Variants in ARID5B observed in about 807,000 individuals in gnomAD.
ARID5B encodes the protein AT-rich interactive domain-containing protein 5B.
Under a neutral mutation model 97.2 loss-of-function variants are expected in ARID5B, and 13 were observed. That is an observed-to-expected ratio of 0.13 (90% CI 0.09 to 0.21). The LOEUF (loss-of-function observed/expected upper bound fraction) is 0.21. Ranked by LOEUF, ARID5B falls within the 10% of genes least tolerant of loss-of-function variation. The pLI is 1.00. For missense variants in ARID5B, 1,210 were observed against 1,465.3 expected, an observed-to-expected ratio of 0.83 and a Z score of 2.84; for synonymous variants, 556 against 570.3, an observed-to-expected ratio of 0.97 and a Z score of 0.36.
intron 3 of ARID5B, among the ~76,000 whole-genome samples, chr10:61,974,015 T>C (rs1838666209): frequency 1.3e-5 from 2 of 152,198 alleles, no homozygotes. Flanking sequence ...TGAGCTTCTC[T>C]CTTTAAGGCA....
intron 3 of ARID5B, among the ~76,000 whole-genome samples, chr10:61,987,031 T>C (rs1304932492): frequency 6.6e-6 from 1 of 152,116 alleles, no homozygotes; most frequent in Non-Finnish European, 1.5e-5. Flanking sequence ...GAGGAAGACA[T>C]AGTGCTACCT....
At chr10:61,989,627 T>C (rs1189727047) in intron 3 of ARID5B, among the ~76,000 whole-genome samples, 1 of 152,234 alleles carries the variant, frequency 6.6e-6, no homozygotes, top group South Asian at 2.1e-4. Flanking sequence ...AAATAAATTA[T>C]CTAAAATTTT....
chr10:62,054,406 A>G (rs975335105), intron 5 of ARID5B, among the ~76,000 whole-genome samples: 2 of 152,128 alleles, frequency 1.3e-5, no homozygotes, highest in African/African-American at 4.8e-5. Flanking sequence ...AAAAAAAAAT[A>G]TCAAGCTAGA....
intron 3 of ARID5B, among the ~76,000 whole-genome samples, chr10:61,989,275 ACTGGGTTAGATAAAATAG>A (rs1838890319): frequency 6.6e-6 from 1 of 152,184 alleles, no homozygotes; most frequent in Non-Finnish European, 1.5e-5. Context: ...TTTTGGATAT[ACTGGGTTAGATAAAATAG>A]CTTACTAAAG....
chr10:62,008,060 CA>C (rs1454871310), intron 4 of ARID5B, among the ~76,000 whole-genome samples: 3 of 101,358 alleles, frequency 3.0e-5, no homozygotes, highest in African/African-American at 6.5e-5. Context: ...CCCCGCCCCA[CA>C]ACACACACAC....
Position 62,038,805 on chromosome 10 carries a change from G to A in ARID5B, c.734-12083G>A, listed in dbSNP as rs989951061. Among the ~76,000 whole-genome samples, 5 of 152,104 alleles carry A rather than the reference G, an allele frequency of 3.3e-5. No individual in the cohort carries two copies. The East Asian group carries it at 9.6e-4, about 29-fold the overall frequency. On this transcript the variant is annotated intron_variant, in intron 4 of 9. Transcript: ENST00000279873. The stretch of plus-strand genomic sequence containing the variant: ...TTGTTAGTTTCTGCGGGTTTTTTTG[G>A]TCGTCCCACCGCATCCCATCGACTC...
intron 4 of ARID5B, chr10:62,049,462 A>G: frequency 1.3e-6 from 2 of 1,550,528 alleles, no homozygotes; most frequent in Non-Finnish European, 1.7e-6. Context: ...TCAGTCAGGC[A>G]GATGTTTGTC....
intron 8 of ARID5B, among the ~76,000 whole-genome samples, chr10:62,083,898 G>A (rs74625186): frequency 0.015 from 2,352 of 152,278 alleles, 24 homozygotes; most frequent in South Asian, 0.025. Context: ...ATAAATTCAA[G>A]TATGAACAGG....
At chr10:62,017,233 A>T (rs1419461408) in intron 4 of ARID5B, among the ~76,000 whole-genome samples, 1 of 152,176 alleles carries the variant, frequency 6.6e-6, no homozygotes, top group Non-Finnish European at 1.5e-5. Flanking sequence ...TGGGTGGATC[A>T]CCTGAGGTCA....
intron 7 of ARID5B, among the ~76,000 whole-genome samples, chr10:62,064,118 C>G (rs1839956695): frequency 6.6e-6 from 1 of 152,244 alleles, no homozygotes; most frequent in Non-Finnish European, 1.5e-5. Context: ...GAAGAAGCCT[C>G]TTTCCTTGCT....
chr10:61,971,323 G>A (rs1051518397), intron 3 of ARID5B, among the ~76,000 whole-genome samples: 1 of 152,202 alleles, frequency 6.6e-6, no homozygotes, highest in African/African-American at 2.4e-5. Context: ...ATGTTTCAGA[G>A]AAAAGGACTA....
Position 62,091,639 on chromosome 10 carries a change from G to T in ARID5B, c.2176G>T (p.Asp726Tyr). ...CAGCAAAAAGAAACTGATTGCTAGG[G>T]ATGACTTGTGTTCCAGTTTGTCCCA... ...LISKKKLIAR[D>Y]DLCSSLSQTH... The change falls in exon 10 of 10, where the codon GAT (aspartate) becomes TAT (tyrosine). Residue 726 changes from aspartate (D) to tyrosine (Y), a missense_variant. Coordinates refer to ENST00000279873, the MANE Select transcript of ARID5B (RefSeq NM_032199.3). 6.2e-7 allele frequency: 1 copy of T among 1,614,110 alleles called. No individual in the cohort carries two copies. The highest frequency in any genetic ancestry group is 1.7e-5 in the Admixed American group (1 of 60,020).
chr10:61,945,503 G>A (rs1483386487), intron 3 of ARID5B, among the ~76,000 whole-genome samples: 1 of 152,144 alleles, frequency 6.6e-6, no homozygotes, highest in Non-Finnish European at 1.5e-5. Flanking sequence ...TAAATTTTAT[G>A]TGTATATTAA....
chr10:62,076,932 T>C (rs1197351720), intron 8 of ARID5B, among the ~76,000 whole-genome samples: 5 of 152,174 alleles, frequency 3.3e-5, no homozygotes, highest in African/African-American at 7.2e-5. Flanking sequence ...GGCTTACCTC[T>C]GCAACACGGC....
intron 3 of ARID5B, among the ~76,000 whole-genome samples, chr10:61,988,698 CAA>C (rs1356519878): frequency 3.9e-5 from 6 of 152,088 alleles, no homozygotes; most frequent in Non-Finnish European, 8.8e-5. Flanking sequence ...TCATTTTTCC[CAA>C]GTGCCTCTTC....
rs186041098 is a variant in ARID5B at position 61,903,508 on chromosome 10, C to A, written c.276+1095C>A. ...TTTTGGGGAGTCTGTGCCCACGGCG[C>A]AGCGGGGAGGGAGGGCGCACTGCCG... On this transcript the variant is annotated intron_variant, in intron 2 of 9. Coordinates refer to ENST00000279873, the MANE Select transcript of ARID5B (RefSeq NM_032199.3). Among the ~76,000 whole-genome samples the A allele has an allele frequency of 2.5e-3, 374 of 151,948 alleles. 5 individuals are homozygous for A. Among genetic ancestry groups the A allele is most frequent in the Admixed American group, 4.5e-3 (68 of 15,272 alleles).
chr10:61,971,305 C>A (rs1317960663), intron 3 of ARID5B, among the ~76,000 whole-genome samples: 5 of 152,134 alleles, frequency 3.3e-5, no homozygotes, highest in Admixed American at 3.3e-4. Context: ...AGTCCTCCTC[C>A]CCTCCTTATG....
At chr10:61,950,427 G>A (rs1455170376) in intron 3 of ARID5B, among the ~76,000 whole-genome samples, 1 of 152,198 alleles carries the variant, frequency 6.6e-6, no homozygotes, top group Non-Finnish European at 1.5e-5. Flanking sequence ...CCAACACTCC[G>A]GAAGGCCGAG....
chr10:61,918,761 G>A lies in ARID5B; in HGVS notation c.276+16348G>A, dbSNP rs116721305. Among the ~76,000 whole-genome samples, 1,412 of 152,102 alleles carry A rather than the reference G, an allele frequency of 9.3e-3. 20 individuals carry two copies. The highest frequency in any genetic ancestry group is 0.031 in the African/African-American group (1,305 of 41,490). On this transcript the variant is annotated intron_variant, in intron 2 of 9. Coordinates refer to ENST00000279873, the MANE Select transcript of ARID5B (RefSeq NM_032199.3). ...TAAAGGTACATTAGGGGCCAGGCAC[G>A]GTGACTCATGCCTGTAATCCCAGCA...
Sources: allele counts gnomAD v4.1 joint callset (sites outside exome capture counted in the v4.1 genomes callset), GRCh38; gene constraint gnomAD v4.1.1; transcripts MANE v1.5; gene names NCBI Gene and HGNC (gene_info 2026-07-23, HGNC 2026-07-21).